Variants in PPP1CB observed in about 807,000 individuals in gnomAD.
PPP1CB encodes serine/threonine-protein phosphatase PP1-beta catalytic subunit.
Under a neutral mutation model 43.7 loss-of-function variants are expected in PPP1CB, and 2 were observed. That is an observed-to-expected ratio of 0.05 (90% CI 0.02 to 0.14). The LOEUF is 0.14. Ranked by LOEUF, PPP1CB falls within the 10% of genes least tolerant of loss-of-function variation. The probability of loss-of-function intolerance (pLI) is 1.00; values close to 1 mark genes in which losing one functional copy is unlikely to be tolerated. For missense variants in PPP1CB, 84 were observed against 398.0 expected (o/e 0.21, Z 6.71); for synonymous variants, 136 against 135.6 (o/e 1.00, Z -0.02).
intron 1 of PPP1CB, among the ~76,000 whole-genome samples, chr2:28,753,612 G>C (rs961676190): frequency 1.3e-5 from 2 of 152,204 alleles, no homozygotes; most frequent in Non-Finnish European, 2.9e-5. Flanking sequence ...CTGGGTCTTT[G>C]AGAAATTTGC....
At chr2:28,752,207 G>A (rs1490580679) in intron 1 of PPP1CB, 31 bp downstream of exon 1, 1 of 1,521,152 alleles carries the variant, frequency 6.6e-7, no homozygotes. Context: ...GGGACAGAGG[G>A]AGGTCGGGCA....
At chr2:28,791,400 G>A (rs535604699) in intron 6 of PPP1CB, among the ~76,000 whole-genome samples, 8 of 151,782 alleles carry the variant, frequency 5.3e-5, no homozygotes, top group South Asian at 2.1e-4. Context: ...GCACCATCTC[G>A]GCTCGCTGCA....
At chr2:28,767,792 A>G (rs781742721) in intron 1 of PPP1CB, among the ~76,000 whole-genome samples, 1 of 152,236 alleles carries the variant, frequency 6.6e-6, no homozygotes, top group African/African-American at 2.4e-5. Flanking sequence ...CAATCATTTA[A>G]AAAATGTAAA....
chr2:28,798,704 G>A (rs1392329145), intron 7 of PPP1CB, among the ~76,000 whole-genome samples: 1 of 152,082 alleles, frequency 6.6e-6, no homozygotes. Flanking sequence ...GGAATGGGGA[G>A]TGACTGCTGA....
intron 6 of PPP1CB, among the ~76,000 whole-genome samples, chr2:28,791,680 T>C (rs1283269633): frequency 6.6e-6 from 1 of 152,204 alleles, no homozygotes; most frequent in Non-Finnish European, 1.5e-5. Flanking sequence ...TTGATAAATA[T>C]GCCTTCTATT....
rs1055173305 is a variant in PPP1CB, at chr2:28,751,962, G to A, written c.-163G>A. 18 of 688,774 alleles carry A rather than the reference G, an allele frequency of 2.6e-5. No homozygotes were observed. The highest frequency in any genetic ancestry group is 3.9e-5 in the Non-Finnish European group (15 of 385,482). The allele number at this position is 688,774 out of a possible 1,614,324, so 42.7% of individuals were successfully genotyped here. A position where few individuals can be genotyped will look rare whatever the true frequency, so the allele number is the denominator to read the frequency against. Reference sequence around the variant, plus strand: ...GAGTGTGCGCGCGCTCTCGCTACCCGGCGGGGAGGGGGTGGGGGGAGGGCC... The same window carrying A: ...GAGTGTGCGCGCGCTCTCGCTACCCAGCGGGGAGGGGGTGGGGGGAGGGCC... On this transcript the variant is annotated 5_prime_UTR_variant, in exon 1 of 8. Coordinates refer to ENST00000395366, the MANE Select transcript of PPP1CB (RefSeq NM_002709.3).
At chr2:28,793,191 G>A (rs775803990) in intron 6 of PPP1CB, among the ~76,000 whole-genome samples, 6 of 152,078 alleles carry the variant, frequency 3.9e-5, no homozygotes, top group Non-Finnish European at 5.9e-5. Context: ...GGTTGACAGA[G>A]CAATATTCCA....
chr2:28,752,954 A>G (rs1666364279), intron 1 of PPP1CB, among the ~76,000 whole-genome samples: 1 of 152,202 alleles, frequency 6.6e-6, no homozygotes. Context: ...TTCGAAAGGT[A>G]TTTGTAGGTC....
Position 28,801,766 on chromosome 2 carries a change from A to C in PPP1CB, c.*2463A>C, listed in dbSNP as rs527843067. The C allele has an allele frequency of 6.6e-6, 1 of 152,292 alleles. No homozygotes were observed. Among genetic ancestry groups the C allele is most frequent in the African/African-American group, 2.4e-5 (1 of 41,562 alleles). 9.4% of individuals were successfully genotyped at this position (152,292 alleles called of 1,614,324 possible). A position where few individuals can be genotyped will look rare whatever the true frequency, so the allele number is the denominator to read the frequency against. On this transcript the variant is annotated 3_prime_UTR_variant, in exon 8 of 8. Transcript: ENST00000395366. ...CCAAATGTTATGACATTCAGAAATCATGAAACACAGTAGATATCTGTTATA... is the reference window on the plus strand; with the variant it reads ...CCAAATGTTATGACATTCAGAAATCCTGAAACACAGTAGATATCTGTTATA...
rs377443367 is a variant in PPP1CB at position 28,796,385 on chromosome 2, A to G, written c.879+2388A>G. Among the ~76,000 whole-genome samples, 62 of 152,336 alleles carry G rather than the reference A, an allele frequency of 4.1e-4. No individual in the cohort carries two copies. In the South Asian group the frequency reaches 0.012, roughly 31 times the overall value. On this transcript the variant is annotated intron_variant, in intron 7 of 7. Transcript: ENST00000395366. ...GAATCTGTAAACTACTTTGGGCAGTATGGAGATTTTAACAATATTGATTCT... is the reference window on the plus strand; with the variant it reads ...GAATCTGTAAACTACTTTGGGCAGTGTGGAGATTTTAACAATATTGATTCT...
Position 28,799,252 on chromosome 2 carries a change from T to C in PPP1CB, c.933T>C (p.Ser311=). 6.2e-7 allele frequency: 1 copy of C among 1,611,408 alleles called. No homozygotes were observed. The highest frequency in any genetic ancestry group is 8.5e-7 in the Non-Finnish European group (1 of 1,177,626). ...AATACCAGTATGGTGGACTGAATTC[T>C]GGACGTCCTGTCACTCCACCTCGAA... The part of the protein sequence containing the change: ...KAKYQYGGLN[S]GRPVTPPRTA... The change falls in exon 8 of 8, where the codon TCT becomes TCC. Residue 311 remains serine, a synonymous_variant. Transcript: ENST00000395366.
At chr2:28,754,710 A>G (rs1020520882) in intron 1 of PPP1CB, among the ~76,000 whole-genome samples, 5 of 152,216 alleles carry the variant, frequency 3.3e-5, no homozygotes, top group Non-Finnish European at 7.3e-5. Context: ...TTAATCTTCA[A>G]AGAAAATTTT....
At chr2:28,751,800 G>C (rs766627964), upstream of PPP1CB, 11 of 441,634 alleles carry the variant, frequency 2.5e-5, no homozygotes, top group African/African-American at 8.5e-5. Context: ...GGCGCTGCGG[G>C]TGGGGCCGTC....
chr2:28,778,774 C>T (rs1034752145), intron 2 of PPP1CB, 35 bp from the exon 3 acceptor site: 9 of 1,397,666 alleles, frequency 6.4e-6, no homozygotes, highest in Non-Finnish European at 8.1e-6. Context: ...ATAACAGTAA[C>T]CAATTTTTCT....
At chr2:28,762,272 G>A (rs1666673760) in intron 1 of PPP1CB, among the ~76,000 whole-genome samples, 1 of 145,526 alleles carries the variant, frequency 6.9e-6, no homozygotes, top group African/African-American at 2.5e-5. Flanking sequence ...GCGACAGAGT[G>A]AGACTGTGTC....
intron 1 of PPP1CB, among the ~76,000 whole-genome samples, chr2:28,755,301 A>G (rs905490426): frequency 6.6e-6 from 1 of 152,152 alleles, no homozygotes; most frequent in Non-Finnish European, 1.5e-5. Context: ...CGGCCTCCCA[A>G]AGTGCTGGGA....
In PPP1CB at chr2:28,772,339, G is replaced by A. The variant is rs1006740257; in HGVS notation, c.53-4512G>A. Among the ~76,000 whole-genome samples the A allele has an allele frequency of 2.0e-5, 3 of 152,022 alleles. No homozygotes were observed. The South Asian group carries it at 6.2e-4, about 32-fold the overall frequency. ...AGGGTACTTGACAACCTTGGTCCTC[G>A]GGGAAATCAAATTAAATCCAACGAA... On this transcript the variant is annotated intron_variant, in intron 1 of 7. Transcript: ENST00000395366.
intron 1 of PPP1CB, among the ~76,000 whole-genome samples, chr2:28,753,976 T>C (rs1666416496): frequency 6.6e-6 from 1 of 152,200 alleles, no homozygotes; most frequent in Admixed American, 6.5e-5. Context: ...GACCTCGTGA[T>C]CCACCCGCTT....
chr2:28,775,964 G>A (rs769022569), intron 1 of PPP1CB, among the ~76,000 whole-genome samples: 1 of 152,004 alleles, frequency 6.6e-6, no homozygotes, highest in Non-Finnish European at 1.5e-5. Flanking sequence ...GGAATGTAAC[G>A]ATAAGTTAAT....
Sources: allele counts gnomAD v4.1 joint callset (sites outside exome capture counted in the v4.1 genomes callset), GRCh38; gene constraint gnomAD v4.1.1; transcripts MANE v1.5; gene names NCBI Gene and HGNC (gene_info 2026-07-23, HGNC 2026-07-21).